ANKRD12: variants seen among roughly 807,000 people sequenced by gnomAD.
The protein encoded by ANKRD12 is ankyrin repeat domain 12.
Under a neutral mutation model 183.4 loss-of-function variants are expected in ANKRD12, and 85 were observed. The observed-to-expected ratio is 0.46, with a 90% CI of 0.39 to 0.56. ANKRD12 has a LOEUF of 0.56. ANKRD12 is among the 20% of genes least tolerant of loss of function. The pLI, the probability that ANKRD12 is intolerant of heterozygous loss-of-function variation, is 0.00. For missense variants in ANKRD12, 2,405 were observed against 2,357.1 expected (o/e 1.02, Z -0.42); for synonymous variants, 914 against 800.2 (o/e 1.14, Z -2.40).
chr18:9,195,366 A>G (rs181158642), intron 2 of ANKRD12, among the ~76,000 whole-genome samples, 185 bp from the exon 3 acceptor site: 5 of 152,336 alleles, frequency 3.3e-5, no homozygotes, highest in Admixed American at 6.5e-5. Flanking sequence ...ATGTTATTAA[A>G]TAAGAGTAGG....
chr18:9,269,175 C>T lies in ANKRD12; in HGVS notation c.5763+5287C>T, dbSNP rs537227635. On this transcript the variant is annotated intron_variant, in intron 10 of 12. Transcript: ENST00000262126. ...GCTCATGGGTAGGAAGAATCAATAT[C>T]GTGAAAATGGCCATACTGCCCAAGG... is the stretch of plus-strand genomic sequence containing the variant. Among the ~76,000 whole-genome samples, 8 of 152,276 alleles carry T rather than the reference C, an allele frequency of 5.3e-5. No individual in the cohort carries two copies. In the East Asian group the frequency reaches 5.8e-4, roughly 11 times the overall value.
At chr18:9,227,046 C>A (rs934811429) in intron 8 of ANKRD12, among the ~76,000 whole-genome samples, 2 of 152,098 alleles carry the variant, frequency 1.3e-5, no homozygotes, top group Non-Finnish European at 2.9e-5. Flanking sequence ...GGTGTCATAT[C>A]AGTGTAAATT....
At chr18:9,237,541 A>G (rs973619237) in intron 8 of ANKRD12, among the ~76,000 whole-genome samples, 2 of 152,204 alleles carry the variant, frequency 1.3e-5, no homozygotes, top group Non-Finnish European at 2.9e-5. Context: ...GCCTCACCAT[A>G]AACTATTGCA....
At chr18:9,162,187 C>T (rs2031511592) in intron 1 of ANKRD12, among the ~76,000 whole-genome samples, 1 of 151,934 alleles carries the variant, frequency 6.6e-6, no homozygotes, top group African/African-American at 2.4e-5. Context: ...GATGCTATCC[C>T]TCCCCCAACC....
chr18:9,196,121 ACACACAC>A, intron 3 of ANKRD12, among the ~76,000 whole-genome samples: 1 of 44,802 alleles, frequency 2.2e-5, no homozygotes, highest in Non-Finnish European at 5.9e-5. Context: ...ACACACACAC[ACACACAC>A]ACACACACAC....
intron 8 of ANKRD12, among the ~76,000 whole-genome samples, chr18:9,251,484 A>AT (rs1476110626): frequency 1.3e-5 from 2 of 152,068 alleles, no homozygotes; most frequent in East Asian, 3.9e-4. Context: ...ATGGAGCTTA[A>AT]TTTTTTTTCA....
chr18:9,257,232 A>G lies in ANKRD12; in HGVS notation c.3965A>G (p.Gln1322Arg), dbSNP rs139547977. ...MPSVICEHTK[Q>R]FQTISEESNQ... The stretch of plus-strand genomic sequence containing the variant: ...TCTGTCATTTGTGAACATACCAAAC[A>G]ATTCCAAACAATATCAGAAGAGAGC... The change falls in exon 9 of 13, where the codon CAA (glutamine) becomes CGA (arginine). Residue 1322 changes from glutamine to arginine, a missense_variant. Coordinates refer to ENST00000262126, the MANE Select transcript of ANKRD12 (RefSeq NM_015208.5). 76 of 1,614,130 alleles carry G rather than the reference A, an allele frequency of 4.7e-5. 1 individual carries two copies. The highest frequency in any genetic ancestry group is 9.9e-5 in the South Asian group (9 of 91,082).
rs1484417228 is a variant in ANKRD12 at position 9,256,819 on chromosome 18, T to C, written c.3552T>C (p.Asn1184=). The C allele has an allele frequency of 6.2e-7, 1 of 1,613,980 alleles. No individual in the cohort carries two copies. Among genetic ancestry groups the C allele is most frequent in the Non-Finnish European group, 8.5e-7 (1 of 1,179,972 alleles). ...TLGKSSFVSD[N]SLNRSPRSEN... The stretch of plus-strand genomic sequence containing the variant: ...GGAAGTCATCTTTTGTTTCAGATAA[T>C]AGCTTAAACAGGTCTCCTAGATCAG... The change falls in exon 9 of 13, where the codon AAT becomes AAC. Residue 1184 remains asparagine (N), a synonymous_variant. Coordinates refer to ENST00000262126, the MANE Select transcript of ANKRD12 (RefSeq NM_015208.5).
chr18:9,150,093 CTGTAA>C (rs1197910735), intron 1 of ANKRD12, among the ~76,000 whole-genome samples: 1 of 152,094 alleles, frequency 6.6e-6, no homozygotes, highest in Non-Finnish European at 1.5e-5. Flanking sequence ...CGTGCCTGGC[CTGTAA>C]TGTATTTATT....
chr18:9,153,957 T>C (rs976834225), intron 1 of ANKRD12, among the ~76,000 whole-genome samples: 1 of 152,184 alleles, frequency 6.6e-6, no homozygotes, highest in African/African-American at 2.4e-5. Flanking sequence ...AACTACTTAG[T>C]TCTGCATGTT....
intron 1 of ANKRD12, among the ~76,000 whole-genome samples, chr18:9,154,187 C>T (rs1269088875): frequency 5.3e-5 from 8 of 152,006 alleles, no homozygotes; most frequent in Non-Finnish European, 1.2e-4. Context: ...TTTGGGAGGC[C>T]GAGGCAGGAG....
intron 6 of ANKRD12, among the ~76,000 whole-genome samples, chr18:9,214,697 A>G (rs1397026680): frequency 6.6e-6 from 1 of 152,172 alleles, no homozygotes; most frequent in Non-Finnish European, 1.5e-5. Context: ...ATAATGTACT[A>G]TAAATTGAGG....
chr18:9,246,705 T>G (rs2037983840), intron 8 of ANKRD12, among the ~76,000 whole-genome samples: 1 of 152,254 alleles, frequency 6.6e-6, no homozygotes, highest in African/African-American at 2.4e-5. Flanking sequence ...GTCAAAAGTA[T>G]GTTATTTATA....
At chr18:9,251,737 T>C (rs757055942) in intron 8 of ANKRD12, among the ~76,000 whole-genome samples, 1 of 151,990 alleles carries the variant, frequency 6.6e-6, no homozygotes, top group Non-Finnish European at 1.5e-5. Context: ...GAGGTTGCAG[T>C]GAGCCACGAT....
intron 8 of ANKRD12, among the ~76,000 whole-genome samples, chr18:9,241,885 C>A (rs989723142): frequency 6.7e-6 from 1 of 149,402 alleles, no homozygotes; most frequent in Non-Finnish European, 1.5e-5. Flanking sequence ...TTTTAAATTC[C>A]AGGTAGTTTT....
chr18:9,233,158 G>A (rs367772339), intron 8 of ANKRD12, among the ~76,000 whole-genome samples: 63 of 151,872 alleles, frequency 4.1e-4, no homozygotes, highest in African/African-American at 1.4e-3. Context: ...GGCCAAGACC[G>A]ATTTTCAAGT....
chr18:9,186,748 G>A (rs1395368033), intron 2 of ANKRD12, among the ~76,000 whole-genome samples: 1 of 134,312 alleles, frequency 7.4e-6, no homozygotes, highest in African/African-American at 2.8e-5. Context: ...TTCTTTGATT[G>A]TCTTTTTTTT....
At chr18:9,175,626 C>T (rs974271524) in intron 1 of ANKRD12, among the ~76,000 whole-genome samples, 1 of 132,136 alleles carries the variant, frequency 7.6e-6, no homozygotes, top group East Asian at 2.6e-4. Context: ...CTTGCTGGTT[C>T]AAGCAGTTCT....
At chr18:9,275,866 A>G (rs2039809281) in intron 11 of ANKRD12, among the ~76,000 whole-genome samples, 199 bp downstream of exon 11, 2 of 152,216 alleles carry the variant, frequency 1.3e-5, no homozygotes, top group Admixed American at 1.3e-4. Context: ...TTAGGTTTCT[A>G]TTATAAAAGC....
Sources: gnomAD v4.1 joint callset for allele counts (sites outside exome capture counted in the v4.1 genomes callset) on GRCh38, gnomAD v4.1.1 for gene constraint, MANE v1.5 for transcripts, NCBI Gene and HGNC (gene_info 2026-07-23, HGNC 2026-07-21) for gene names.